Variants in KAZN observed in about 807,000 individuals in gnomAD.
KAZN encodes the protein kazrin, periplakin interacting protein.
A neutral mutation model predicts 87.4 loss-of-function variants in KAZN; 40 were observed. That is an observed-to-expected ratio of 0.46 (90% confidence interval 0.36 to 0.60). The LOEUF (loss-of-function observed/expected upper bound fraction) is 0.60. Ranked by LOEUF, KAZN falls within the 20% of genes least tolerant of loss-of-function variation. The pLI is 0.00. For synonymous variants in KAZN, 466 were observed against 458.3 expected (o/e 1.02, Z -0.22); for missense variants, 898 against 1,073.9 (o/e 0.84, Z 2.29).
intron 8 of KAZN, among the ~76,000 whole-genome samples, chr1:15,083,771 C>T (rs556082194): frequency 6.6e-6 from 1 of 152,330 alleles, no homozygotes; most frequent in African/African-American, 2.4e-5. Flanking sequence ...AGCCATTTCC[C>T]AGCCTGTGAG....
rs754833122 is a variant in KAZN at position 14,599,099 on chromosome 1, C to A, written c.102C>A (p.Asn34Lys). 1.3e-6 allele frequency: 2 copies of A among 1,558,570 alleles called. No individual in the cohort carries two copies. The highest frequency in any genetic ancestry group is 2.7e-5 in the East Asian group (1 of 37,642). Residue 34 changes from asparagine (N) to lysine (K), a missense_variant, in exon 1 of 15, where the codon AAC becomes AAA. Physicochemically the swap from Asn to Lys is moderately conservative, Grantham distance 94. This residue lies in a region of KAZN where 250 missense variants were observed against 263.0 expected (regional missense o/e 0.95). Coordinates refer to ENST00000376030, the MANE Select transcript of KAZN (RefSeq NM_201628.3). This position sits in a 1 kb window ranked among gnomAD's most constrained non-coding sequence, Gnocchi z 4.4. ...TNLRAELTAT[N>K]RRLAELSGGG... is the part of the protein sequence containing the mutation. ...TGCGAGCCGAACTCACGGCCACCAA[C>A]CGGAGACTGGCGGAACTGAGCGGCG...
upstream of KAZN, among the ~76,000 whole-genome samples, chr1:14,598,430 C>A (rs1052003631): frequency 6.6e-6 from 1 of 152,116 alleles, no homozygotes; most frequent in Non-Finnish European, 1.5e-5. This position sits in a 1 kb window ranked among gnomAD's most constrained non-coding sequence, Gnocchi z 4.2. Context: ...TTCTCCAGGG[C>A]GGGGGCTGCC....
chr1:15,008,166 A>T (rs1281470338), intron 2 of KAZN, among the ~76,000 whole-genome samples: 1 of 152,152 alleles, frequency 6.6e-6, no homozygotes, highest in Non-Finnish European at 1.5e-5. Flanking sequence ...GCTTATCTCC[A>T]TGAGCCCAGC....
intron 1 of KAZN, among the ~76,000 whole-genome samples, chr1:14,623,936 A>G (rs1025934094): frequency 2.0e-5 from 3 of 152,024 alleles, no homozygotes; most frequent in Admixed American, 6.6e-5. Context: ...AATTTTTGAG[A>G]CTTGTTTTAT....
intron 2 of KAZN, among the ~76,000 whole-genome samples, chr1:14,965,152 G>A (rs1664312006): frequency 6.6e-6 from 1 of 151,876 alleles, no homozygotes; most frequent in Non-Finnish European, 1.5e-5. Context: ...CAGAGAAGCT[G>A]GAACTACAGG....
chr1:14,868,863 G>A (rs972872029), intron 1 of KAZN, among the ~76,000 whole-genome samples: 12 of 151,816 alleles, frequency 7.9e-5, no homozygotes, highest in Non-Finnish European at 1.6e-4. Flanking sequence ...TAATAGCTAA[G>A]TAAAAATAAT....
intron 1 of KAZN, among the ~76,000 whole-genome samples, chr1:14,741,850 G>A (rs1002538702): frequency 6.6e-6 from 1 of 152,098 alleles, no homozygotes; most frequent in African/African-American, 2.4e-5. Flanking sequence ...CTGATGAGGG[G>A]CCCTGAAATG....
intron 1 of KAZN, among the ~76,000 whole-genome samples, chr1:13,948,421 C>A (rs141380979): frequency 5.4e-4 from 83 of 152,324 alleles, no homozygotes; most frequent in African/African-American, 1.8e-3. Flanking sequence ...CTCTCTCCTG[C>A]CACCCTATGA....
chr1:14,097,050 A>C (rs1644144668), intron 1 of KAZN, among the ~76,000 whole-genome samples: 1 of 152,202 alleles, frequency 6.6e-6, no homozygotes, highest in African/African-American at 2.4e-5. Flanking sequence ...ATGCCATTGT[A>C]GAGGATAGTG....
intron 2 of KAZN, among the ~76,000 whole-genome samples, chr1:14,553,939 G>T (rs899516492): frequency 6.6e-6 from 1 of 152,148 alleles, no homozygotes; most frequent in Non-Finnish European, 1.5e-5. Context: ...ATTCTAATGT[G>T]TAACCAAGGG....
intron 1 of KAZN, among the ~76,000 whole-genome samples, chr1:14,144,903 A>G (rs1645313726): frequency 2.0e-5 from 3 of 152,226 alleles, no homozygotes. Flanking sequence ...TGAAGGATCC[A>G]CTGGCATGAC....
At chr1:13,991,299 G>C (rs1219790590) in intron 1 of KAZN, among the ~76,000 whole-genome samples, 2 of 151,988 alleles carry the variant, frequency 1.3e-5, no homozygotes, top group Non-Finnish European at 2.9e-5. Context: ...GGCCTGTTGG[G>C]GTGTGGAGGG....
intron 2 of KAZN, among the ~76,000 whole-genome samples, chr1:14,526,536 C>T (rs1671874510): frequency 6.6e-6 from 1 of 152,198 alleles, no homozygotes; most frequent in Non-Finnish European, 1.5e-5. Flanking sequence ...GAACAAAGAA[C>T]CCTCCGGGTC....
chr1:15,083,250 TGTC>T (rs1440660908), intron 8 of KAZN, among the ~76,000 whole-genome samples: 2 of 152,172 alleles, frequency 1.3e-5, no homozygotes, highest in African/African-American at 4.8e-5. Context: ...TAGTTGCAAA[TGTC>T]AACCTCAGGC....
At chr1:14,927,801 C>T (rs1456781635) in intron 1 of KAZN, among the ~76,000 whole-genome samples, 2 of 152,178 alleles carry the variant, frequency 1.3e-5, no homozygotes, top group African/African-American at 2.4e-5. Flanking sequence ...TATTTTATTA[C>T]GATGATCATT....
intron 2 of KAZN, among the ~76,000 whole-genome samples, chr1:14,437,192 G>T (rs1406221214): frequency 2.0e-5 from 3 of 152,152 alleles, no homozygotes; most frequent in Non-Finnish European, 4.4e-5. Flanking sequence ...ATGTCAGTTT[G>T]TGATCTGAGA....
intron 1 of KAZN, among the ~76,000 whole-genome samples, chr1:13,968,134 C>T (rs1642010211): frequency 6.6e-6 from 1 of 152,144 alleles, no homozygotes; most frequent in Non-Finnish European, 1.5e-5. Context: ...GCTCCTGGTA[C>T]TGGGAAGCCC....
chr1:14,792,187 C>G (rs2100694719), intron 1 of KAZN, among the ~76,000 whole-genome samples: 1 of 152,316 alleles, frequency 6.6e-6, no homozygotes, highest in Admixed American at 6.5e-5. Context: ...TGGTTATTTA[C>G]TGAGCATCTA....
chr1:14,074,145 A>G (rs1303605057), intron 1 of KAZN, among the ~76,000 whole-genome samples: 2 of 152,192 alleles, frequency 1.3e-5, no homozygotes, highest in African/African-American at 4.8e-5. Flanking sequence ...AACTCAGCTA[A>G]CAGACTGCTA....
Sources: gnomAD v4.1 joint callset for allele counts (sites outside exome capture counted in the v4.1 genomes callset) on GRCh38, gnomAD v4.1.1 for gene constraint, gnomAD v4.1.1 regional missense constraint, Gnocchi (gnomAD v3.1) non-coding constraint, MANE v1.5 for transcripts, NCBI Gene and HGNC (gene_info 2026-07-23, HGNC 2026-07-21) for gene names.